Variants in TAF6L observed in about 807,000 individuals in gnomAD.
TAF6L encodes the protein TATA-box binding protein associated factor 6 like, also known as TAF6-like RNA polymerase II p300/CBP-associated factor-associated factor 65 kDa subunit 6L.
TAF6L carries 34 observed loss-of-function variants against 57.3 expected under a neutral mutation model. That is an observed-to-expected ratio of 0.59 (90% confidence interval 0.45 to 0.79). TAF6L has a LOEUF of 0.79. Ranked by LOEUF, TAF6L falls within the 30% of genes least tolerant of loss-of-function variation. The probability of loss-of-function intolerance (pLI) is 0.00; values close to 1 mark genes in which losing one functional copy is unlikely to be tolerated. For synonymous variants in TAF6L, 417 were observed against 376.3 expected, an observed-to-expected ratio of 1.11 and a Z score of -1.25; for missense variants, 782 against 853.2, an observed-to-expected ratio of 0.92 and a Z score of 1.04.
intron 1 of TAF6L, among the ~76,000 whole-genome samples, chr11:62,775,217 A>C (rs988810656): frequency 6.6e-6 from 1 of 152,152 alleles, no homozygotes; most frequent in Non-Finnish European, 1.5e-5. Context: ...AGAAGTGCCG[A>C]GCAAAAGGGG....
chr11:62,787,276 T>C lies in TAF6L; in HGVS notation c.1849T>C (p.Ser617Pro), dbSNP rs1437948771. 4.5e-6 allele frequency: 7 copies of C among 1,553,576 alleles called. No individual in the cohort carries two copies. In the Admixed American group the frequency reaches 1.3e-4, roughly 29 times the overall value. Reference protein sequence around the residue: ...PARRWALSDYSLYLPL With the variant: ...PARRWALSDYPLYLPL ...CCGCCGGTGGGCGCTCTCGGACTAC[T>C]CGCTGTACTTGCCGCTCTGAGTCAG... Residue 617 changes from serine (S) to proline (P), a missense_variant, in exon 11 of 11, where the codon TCG (serine) becomes CCG (proline). Coordinates refer to ENST00000294168, the MANE Select transcript of TAF6L (RefSeq NM_006473.4).
intron 2 of TAF6L, 137 bp downstream of exon 2, chr11:62,776,067 A>T: frequency 8.4e-7 from 1 of 1,196,584 alleles, no homozygotes; most frequent in Non-Finnish European, 1.1e-6. Context: ...CCTTTACAGA[A>T]CTCTACTTGT....
chr11:62,786,275 C>A lies in TAF6L; in HGVS notation c.976C>A (p.Leu326Met). ...TTCCTTCCAGGCAGTAGAACGAGTC[C>A]TGTACCCACACCTGTCCACCTACTG... ...ALGWKAVERV[L>M]YPHLSTYWTN... The change falls in exon 10 of 11, where the codon CTG becomes ATG. Residue 326 changes from leucine (L) to methionine (M), a missense_variant. By Grantham distance (15) the Leu-to-Met change is conservative. This residue lies in a region of TAF6L where 483 missense variants were observed against 445.1 expected (regional missense o/e 1.09). Coordinates refer to ENST00000294168, the MANE Select transcript of TAF6L (RefSeq NM_006473.4). The A allele has an allele frequency of 6.2e-7, 1 of 1,613,758 alleles. No individual in the cohort carries two copies. The highest frequency in any genetic ancestry group is 8.5e-7 in the Non-Finnish European group (1 of 1,179,678).
In TAF6L at chr11:62,787,154, G is replaced by T; in HGVS notation, c.1727G>T (p.Arg576Leu). The T allele has an allele frequency of 6.3e-7, 1 of 1,575,164 alleles. No individual in the cohort carries two copies. Among genetic ancestry groups the T allele is most frequent in the Non-Finnish European group, 8.5e-7 (1 of 1,170,066 alleles). The change falls in exon 11 of 11, where the codon CGC becomes CTC. Residue 576 changes from arginine (R) to leucine (L), a missense_variant. Around this residue, in one of 3 missense-constraint regions of TAF6L, gnomAD observed 483 missense variants for 445.1 expected, o/e 1.09. Coordinates refer to ENST00000294168, the MANE Select transcript of TAF6L (RefSeq NM_006473.4). Reference sequence around the variant, plus strand: ...CAGGCTGGGAGGCGCTGCCGCGGGCGCCTTTTCCAGACTGCCTTCCCCGCG... The same window carrying T: ...CAGGCTGGGAGGCGCTGCCGCGGGCTCCTTTTCCAGACTGCCTTCCCCGCG... ...GRQAGRRCRG[R>L]LFQTAFPAPY...
chr11:62,779,658 AT>A (rs2084212862), intron 6 of TAF6L, among the ~76,000 whole-genome samples: 1 of 150,468 alleles, frequency 6.6e-6, no homozygotes, highest in South Asian at 2.1e-4. Context: ...TTTATTTATT[AT>A]TTTAATTAAA....
intron 6 of TAF6L, among the ~76,000 whole-genome samples, chr11:62,779,557 C>G (rs971039685): frequency 2.6e-5 from 4 of 152,034 alleles, no homozygotes; most frequent in African/African-American, 9.7e-5. Context: ...AACTCCCGAC[C>G]TCAGGTGATC....
chr11:62,779,264 G>A (rs924294872), intron 6 of TAF6L, among the ~76,000 whole-genome samples: 1 of 151,978 alleles, frequency 6.6e-6, no homozygotes, highest in African/African-American at 2.4e-5. Flanking sequence ...GCGCGATCTC[G>A]GCTCACTGCA....
chr11:62,772,546 G>A (rs565378776), intron 1 of TAF6L, among the ~76,000 whole-genome samples: 1 of 146,376 alleles, frequency 6.8e-6, no homozygotes, highest in East Asian at 2.0e-4. Flanking sequence ...AAAGCTCGTC[G>A]GGCCAGGTGC....
chr11:62,778,854 C>T lies in TAF6L; in HGVS notation c.437-15C>T, dbSNP rs761185097. The stretch of plus-strand genomic sequence containing the variant: ...GCTCTCCACCTGTCCCTGCTTCCTG[C>T]CTGTCCTCTGGCAGTGCCCAGTGCT... On this transcript the variant is annotated splice_polypyrimidine_tract_variant and intron_variant, in intron 5 of 10. Coordinates refer to ENST00000294168, the MANE Select transcript of TAF6L (RefSeq NM_006473.4). 1.9e-6 allele frequency: 3 copies of T among 1,612,128 alleles called. No individual in the cohort carries two copies. Among genetic ancestry groups the T allele is most frequent in the African/African-American group, 1.3e-5 (1 of 74,880 alleles).
At chr11:62,785,139 A>G (rs569430017) in intron 9 of TAF6L, among the ~76,000 whole-genome samples, 4 of 147,446 alleles carry the variant, frequency 2.7e-5, no homozygotes, top group East Asian at 2.1e-4. Context: ...CACCTCGCCT[A>G]TCTTTTTCTT....
At position 62,782,259 on chromosome 11, in the gene TAF6L, T is replaced by G; in HGVS notation, c.753T>G (p.Ala251=). 1.2e-6 allele frequency: 2 copies of G among 1,614,242 alleles called. No individual in the cohort carries two copies. Among genetic ancestry groups the G allele is most frequent in the Non-Finnish European group, 1.7e-6 (2 of 1,180,044 alleles). ...SVLYCVLEPL[A]ASINPLNDHW... is the part of the protein sequence containing the mutation. Reference sequence around the variant, plus strand: ...TCTACTGTGTCCTGGAGCCACTGGCTGCCTCCATCAACCCCCTGAATGACC... The same window carrying G: ...TCTACTGTGTCCTGGAGCCACTGGCGGCCTCCATCAACCCCCTGAATGACC... The change falls in exon 8 of 11, where the codon GCT becomes GCG. Residue 251 remains alanine (A), a synonymous_variant. Coordinates refer to ENST00000294168, the MANE Select transcript of TAF6L (RefSeq NM_006473.4).
Position 62,777,979 on chromosome 11 carries a change from C to G in TAF6L, c.236C>G (p.Ala79Gly), listed in dbSNP as rs1221103787. ...CTCTCCAATTCCCTTTTTCCTCAGG[C>G]TGTGTGTGGTTACGGATCACAGGAG... ...NRALRWSSVE[A>G]VCGYGSQEAL... The change falls in exon 4 of 11, where the codon GCT (alanine) becomes GGT (glycine). Residue 79 changes from alanine to glycine, a missense_variant and splice_region_variant. Ala to Gly is a moderately conservative substitution (Grantham distance 60, BLOSUM62 0). Around this residue, in one of 3 missense-constraint regions of TAF6L, gnomAD observed 220 missense variants for 252.1 expected, o/e 0.87. Coordinates refer to ENST00000294168, the MANE Select transcript of TAF6L (RefSeq NM_006473.4). The G allele has an allele frequency of 3.1e-6, 5 of 1,613,896 alleles. No homozygotes were observed. The Admixed American group carries it at 6.7e-5, about 22-fold the overall frequency.
At chr11:62,771,674 G>A (rs1396915690) in intron 1 of TAF6L, 184 bp downstream of exon 1, 1 of 194,110 alleles carries the variant, frequency 5.2e-6, no homozygotes, top group Non-Finnish European at 1.1e-5. Context: ...TAGGCCGGGT[G>A]GGAGGATGCG....
At position 62,786,863 on chromosome 11, in the gene TAF6L, C is replaced by G; in HGVS notation, c.1436C>G (p.Pro479Arg). Reference sequence around the variant, plus strand: ...GACAAGAAGGAGCCGGCGGCAGCCCCGGACTCGGTGCGGAAGATGCCGCAG... The same window carrying G: ...GACAAGAAGGAGCCGGCGGCAGCCCGGGACTCGGTGCGGAAGATGCCGCAG... ...PGDKKEPAAAPDSVRKMPQLT... is the reference protein window; with the variant it reads ...PGDKKEPAAARDSVRKMPQLT... Residue 479 changes from proline (P) to arginine (R), a missense_variant, in exon 11 of 11, where the codon CCG becomes CGG. Transcript: ENST00000294168. 2 of 1,590,052 alleles carry G rather than the reference C, an allele frequency of 1.3e-6. No individual in the cohort carries two copies. The highest frequency in any genetic ancestry group is 4.5e-5 in the East Asian group (2 of 44,382).
chr11:62,783,413 C>T (rs934069566), intron 9 of TAF6L, among the ~76,000 whole-genome samples: 6 of 150,506 alleles, frequency 4.0e-5, no homozygotes, highest in African/African-American at 9.8e-5. Context: ...ACCCGGGAGG[C>T]GGAGCTTGCA....
chr11:62,772,531 A>C (rs2084156317), intron 1 of TAF6L, among the ~76,000 whole-genome samples: 9 of 149,796 alleles, frequency 6.0e-5, no homozygotes, highest in Admixed American at 5.3e-4. Context: ...TCCAAAAAAA[A>C]AAAAAAAGCT....
At chr11:62,779,976 A>ATATATATATATTTTTTTT (rs1294367864) in intron 6 of TAF6L, among the ~76,000 whole-genome samples, 1 of 52,632 alleles carries the variant, frequency 1.9e-5, no homozygotes, top group African/African-American at 7.7e-5. Flanking sequence ...ATATATATAT[A>ATATATATATATTTTTTTT]TTTTTTTTTT....
intron 9 of TAF6L, among the ~76,000 whole-genome samples, chr11:62,783,257 C>T (rs1272584603): frequency 2.0e-5 from 3 of 152,024 alleles, no homozygotes; most frequent in African/African-American, 7.2e-5. Context: ...CTGAGGTGGG[C>T]GGATCACAAG....
In TAF6L at chr11:62,775,997, C is replaced by T. The variant is rs1204706565; in HGVS notation, c.147+67C>T. ...TTCTGCCTTTTTACTAACCTCCACC[C>T]TCGCTGATTTATTCAAGTGTACACT... On this transcript the variant is annotated intron_variant, in intron 2 of 10. Coordinates refer to ENST00000294168, the MANE Select transcript of TAF6L (RefSeq NM_006473.4). 2.0e-6 allele frequency: 3 copies of T among 1,525,802 alleles called. No individual in the cohort carries two copies. The East Asian group carries it at 7.0e-5, about 35-fold the overall frequency. 94.5% of individuals were successfully genotyped at this position (1,525,802 alleles called of 1,614,324 possible). A position where few individuals can be genotyped will look rare whatever the true frequency, so the allele number is the denominator to read the frequency against.
Sources: gnomAD v4.1 joint callset for allele counts (sites outside exome capture counted in the v4.1 genomes callset) on GRCh38, gnomAD v4.1.1 for gene constraint, gnomAD v4.1.1 regional missense constraint, MANE v1.5 for transcripts, NCBI Gene and HGNC (gene_info 2026-07-23, HGNC 2026-07-21) for gene names.